MCPH1: variants seen among roughly 807,000 people sequenced by gnomAD.
MCPH1 encodes the protein microcephalin.
MCPH1 carries 104 observed loss-of-function variants against 84.5 expected under a neutral mutation model. The observed-to-expected ratio is 1.23, with a 90% confidence interval of 1.05 to 1.45. The LOEUF (loss-of-function observed/expected upper bound fraction) is 1.45, where lower values mean the gene tolerates loss of function less well. Ranked by LOEUF, MCPH1 falls within the 40% of genes most tolerant of loss-of-function variation. The probability of loss-of-function intolerance (pLI) is 0.00; values close to 1 mark genes in which losing one functional copy is unlikely to be tolerated. For synonymous variants in MCPH1, 514 were observed against 366.8 expected (o/e 1.40, Z -4.58); for missense variants, 1,498 against 1,005.7 (o/e 1.49, Z -6.62).
chr8:6,641,431 C>T (rs73184469), intron 13 of MCPH1, among the ~76,000 whole-genome samples: 8,839 of 152,290 alleles, frequency 0.058, 359 homozygotes, highest in Middle Eastern at 0.13. Flanking sequence ...GAAACTTATA[C>T]ATGGCAAAAG....
At chr8:6,488,970 G>A (rs1171044544) in intron 11 of MCPH1, among the ~76,000 whole-genome samples, 1 of 152,082 alleles carries the variant, frequency 6.6e-6, no homozygotes, top group African/African-American at 2.4e-5. Flanking sequence ...AGGTGTGTGG[G>A]AATGGAGAAG....
chr8:6,431,119 C>G (rs1446393849), intron 3 of MCPH1, among the ~76,000 whole-genome samples: 1 of 152,144 alleles, frequency 6.6e-6, no homozygotes, highest in South Asian at 2.1e-4. Context: ...AATTTCTTTA[C>G]GTCCCTTCTA....
chr8:6,499,824 A>G (rs1811803960), intron 11 of MCPH1, 28 bp from the exon 12 acceptor site: 3 of 1,606,050 alleles, frequency 1.9e-6, no homozygotes, highest in African/African-American at 1.3e-5. Context: ...TAAATGTATA[A>G]TAAATCTGCT....
At chr8:6,609,576 T>C (rs1830072783) in intron 12 of MCPH1, among the ~76,000 whole-genome samples, 1 of 152,218 alleles carries the variant, frequency 6.6e-6, no homozygotes, top group Admixed American at 6.5e-5. Flanking sequence ...ACATTCCGCC[T>C]TCCTTTAACT....
Position 6,535,077 on chromosome 8 carries a change from C to T in MCPH1, c.2214+35148C>T, listed in dbSNP as rs535870871. On this transcript the variant is annotated intron_variant, in intron 12 of 13. Transcript: ENST00000344683. ...ACTCCAGCTGGAGTTTAGTTTAAGC[C>T]CATACTCAGAAATAATAATTTACAA... Among the ~76,000 whole-genome samples the T allele has an allele frequency of 3.3e-5, 5 of 152,144 alleles. No individual in the cohort carries two copies. The South Asian group carries it at 1.0e-3, about 32-fold the overall frequency.
intron 13 of MCPH1, chr8:6,625,199 G>A (rs1174686887): frequency 4.1e-6 from 4 of 985,314 alleles, no homozygotes; most frequent in Admixed American, 6.1e-5. Flanking sequence ...TCTGTGGAAT[G>A]CATTTACTTC....
chr8:6,446,484 AAG>A, intron 8 of MCPH1: 2 of 984,984 alleles, frequency 2.0e-6, no homozygotes, highest in Non-Finnish European at 2.4e-6. Flanking sequence ...GTTTCACAAA[AAG>A]AATGAAAATA....
At chr8:6,488,424 G>C (rs1440696347) in intron 11 of MCPH1, among the ~76,000 whole-genome samples, 1 of 152,218 alleles carries the variant, frequency 6.6e-6, no homozygotes, top group Admixed American at 6.5e-5. Context: ...TGATGTTAAA[G>C]TTTGAAAGAG....
At chr8:6,610,955 G>A (rs1001299974) in intron 12 of MCPH1, among the ~76,000 whole-genome samples, 5 of 152,012 alleles carry the variant, frequency 3.3e-5, no homozygotes, top group South Asian at 2.1e-4. Context: ...GAATCCATGC[G>A]CTTGTGGCTT....
At chr8:6,437,922 C>G (rs944915341) in intron 5 of MCPH1, among the ~76,000 whole-genome samples, 2 of 152,240 alleles carry the variant, frequency 1.3e-5, no homozygotes, top group African/African-American at 4.8e-5. Flanking sequence ...CAGTTCATCT[C>G]TGTGCTGCAG....
chr8:6,608,577 T>C (rs115377157), intron 12 of MCPH1, among the ~76,000 whole-genome samples: 1 of 152,226 alleles, frequency 6.6e-6, no homozygotes, highest in Admixed American at 6.5e-5. Context: ...GTTAGAGATA[T>C]GGACCCGCTT....
At chr8:6,626,392 C>G (rs1301835321) in intron 13 of MCPH1, 3 of 984,508 alleles carry the variant, frequency 3.0e-6, no homozygotes, top group African/African-American at 3.5e-5. Context: ...TTCCCTGAAA[C>G]TGTATTGTAC....
chr8:6,416,284 TCA>T lies in MCPH1; in HGVS notation c.233+1402_233+1403del, dbSNP rs1563174158. 5.1e-3 allele frequency among the ~76,000 whole-genome samples: 3 copies of T among 584 alleles called. No individual in the cohort carries two copies. In the East Asian group the frequency reaches 0.3, roughly 58 times the overall value. The allele number at this position is 584 out of a possible 152,430, so 0.4% of individuals were successfully genotyped here. A position where few individuals can be genotyped will look rare whatever the true frequency, so the allele number is the denominator to read the frequency against. On this transcript the variant is annotated intron_variant, in intron 3 of 13. Transcript: ENST00000344683. ...TAGTCTGGCCGCATGTTATGTCATGTCATGTCATGTCATGTCATGTCATGTCA... is the reference window on the plus strand; with the variant it reads ...TAGTCTGGCCGCATGTTATGTCATGTTGTCATGTCATGTCATGTCATGTCA...
intron 11 of MCPH1, among the ~76,000 whole-genome samples, chr8:6,486,262 A>ATCTCTC (rs56247663): frequency 0.014 from 2,131 of 147,164 alleles, 23 homozygotes; most frequent in Middle Eastern, 0.024. Flanking sequence ...TGTACAAGGA[A>ATCTCTC]TCTCTCTCTC....
At chr8:6,641,881 G>A (rs899240614) in intron 13 of MCPH1, among the ~76,000 whole-genome samples, 1 of 151,948 alleles carries the variant, frequency 6.6e-6, no homozygotes, top group African/African-American at 2.4e-5. Context: ...ATATATATAA[G>A]CTATCACAAA....
At chr8:6,476,874 C>A (rs1274443361) in intron 9 of MCPH1, among the ~76,000 whole-genome samples, 3 of 152,072 alleles carry the variant, frequency 2.0e-5, no homozygotes, top group Admixed American at 2.0e-4. Flanking sequence ...CATACACATA[C>A]ACACACACTC....
chr8:6,519,807 T>C (rs1301315173), intron 12 of MCPH1: 1 of 1,588,948 alleles, frequency 6.3e-7, no homozygotes, highest in Non-Finnish European at 8.6e-7. Flanking sequence ...GGTTCCTCAC[T>C]CACTAAAGTG....
At chr8:6,473,701 C>T in intron 9 of MCPH1, 2 of 381,482 alleles carry the variant, frequency 5.2e-6, no homozygotes, top group East Asian at 3.9e-5. Flanking sequence ...GAAAAAGAAA[C>T]ATAGGCATAA....
intron 12 of MCPH1, among the ~76,000 whole-genome samples, chr8:6,580,286 G>C (rs1200465759): frequency 4.2e-4 from 64 of 152,188 alleles, no homozygotes; most frequent in Admixed American, 4.2e-3. Context: ...CTCCGTTGCA[G>C]TGTAGGTCAG....
Sources: allele counts gnomAD v4.1 joint callset (sites outside exome capture counted in the v4.1 genomes callset), GRCh38; gene constraint gnomAD v4.1.1; transcripts MANE v1.5; gene names NCBI Gene and HGNC (gene_info 2026-07-23, HGNC 2026-07-21).